Variants in KHDRBS2 observed in about 807,000 individuals in gnomAD.
KHDRBS2 encodes the protein KH RNA binding domain containing, signal transduction associated 2, also known as KH domain-containing, RNA-binding, signal transduction-associated protein 2.
Under a neutral mutation model 44.3 loss-of-function variants are expected in KHDRBS2, and 26 were observed. The observed-to-expected ratio is 0.59, with a 90% CI of 0.43 to 0.81. The LOEUF is 0.81. KHDRBS2 is among the 40% of genes least tolerant of loss of function. KHDRBS2 has a pLI of 0.00. For synonymous variants in KHDRBS2, 194 were observed against 151.1 expected, an observed-to-expected ratio of 1.28 and a Z score of -2.08; for missense variants, 476 against 433.1, an observed-to-expected ratio of 1.10 and a Z score of -0.88.
intron 3 of KHDRBS2, among the ~76,000 whole-genome samples, chr6:61,993,251 T>C (rs1776478345): frequency 6.6e-6 from 1 of 152,004 alleles, no homozygotes; most frequent in Non-Finnish European, 1.5e-5. Flanking sequence ...GAGAGAAACT[T>C]TTCCCTACTA....
intron 6 of KHDRBS2, among the ~76,000 whole-genome samples, chr6:61,754,808 T>C (rs992320992): frequency 6.6e-6 from 1 of 152,174 alleles, no homozygotes; most frequent in African/African-American, 2.4e-5. Flanking sequence ...TAGGGATATC[T>C]TTCTTAAATT....
At chr6:62,106,983 A>G (rs1456181206) in intron 2 of KHDRBS2, among the ~76,000 whole-genome samples, 7 of 152,148 alleles carry the variant, frequency 4.6e-5, no homozygotes, top group Non-Finnish European at 1.0e-4. Flanking sequence ...CACAGCCAAT[A>G]TCATACTGAA....
At chr6:61,544,129 A>T in the KHDRBS2 span, among the ~76,000 whole-genome samples, 1 of 152,110 alleles carries the variant, frequency 6.6e-6, no homozygotes, top group Admixed American at 6.6e-5. Flanking sequence ...TTTGTGCTGC[A>T]AAGTATAAAT....
At chr6:61,630,222 C>CA in the KHDRBS2 span, 16 of 151,990 alleles carry the variant, frequency 1.1e-4, no homozygotes, top group African/African-American at 3.1e-4. Context: ...GAAAGAAATA[C>CA]AAAAAAGTAC....
rs556347847 is a variant in KHDRBS2 at position 62,142,412 on chromosome 6, T to C, written c.219+34773A>G. Among the ~76,000 whole-genome samples, 307 of 152,218 alleles carry C rather than the reference T, an allele frequency of 2.0e-3. 4 individuals are homozygous for C. Among genetic ancestry groups the C allele is most frequent in the Admixed American group, 6.9e-3 (106 of 15,290 alleles). ...CTTCCATCTCTCGGATAAATTTACA[T>C]ATAGATTTCAATGAGAACCTTTAGG... is the stretch of plus-strand genomic sequence containing the variant. On this transcript the variant is annotated intron_variant, in intron 2 of 8. Transcript: ENST00000281156.
intron 6 of KHDRBS2, among the ~76,000 whole-genome samples, chr6:61,760,149 T>A (rs1252621578): frequency 6.6e-6 from 1 of 152,212 alleles, no homozygotes; most frequent in Admixed American, 6.5e-5. Flanking sequence ...TTATACATTG[T>A]GCTAAACATC....
At chr6:62,187,612 A>G (rs1292970598) in intron 1 of KHDRBS2, among the ~76,000 whole-genome samples, 1 of 152,194 alleles carries the variant, frequency 6.6e-6, no homozygotes, top group Non-Finnish European at 1.5e-5. Context: ...CCATGACTCC[A>G]TCACTGCAAT....
chr6:62,177,432 T>C lies in KHDRBS2; in HGVS notation c.92-120A>G, dbSNP rs1027515972. On this transcript the variant is annotated intron_variant, in intron 1 of 8. Transcript: ENST00000281156. ...CTCCTCTTCTCAAATAAGATTTTGA[T>C]GAATATTGATAAAAGGCCTGAAACA... is the stretch of plus-strand genomic sequence containing the variant. 7.8e-6 allele frequency: 6 copies of C among 771,632 alleles called. No homozygotes were observed. In the African/African-American group the frequency reaches 1.1e-4, roughly 14 times the overall value. 47.8% of individuals were successfully genotyped at this position (771,632 alleles called of 1,614,324 possible). A position where few individuals can be genotyped will look rare whatever the true frequency, so the allele number is the denominator to read the frequency against.
At chr6:61,798,693 C>T (rs1012356812) in intron 6 of KHDRBS2, among the ~76,000 whole-genome samples, 1 of 151,862 alleles carries the variant, frequency 6.6e-6, no homozygotes, top group African/African-American at 2.4e-5. Flanking sequence ...GGTAAGGAGG[C>T]ATTTTAGCTT....
intron 4 of KHDRBS2, among the ~76,000 whole-genome samples, chr6:61,906,885 C>T (rs544444029): frequency 2.7e-5 from 4 of 147,852 alleles, no homozygotes; most frequent in African/African-American, 9.9e-5. Flanking sequence ...CTTTGATATA[C>T]TAGTTTGCTT....
chr6:61,618,178 A>G, the KHDRBS2 span, among the ~76,000 whole-genome samples: 3 of 152,208 alleles, frequency 2.0e-5, no homozygotes, highest in African/African-American at 7.2e-5. Context: ...TAATCAACAA[A>G]TAGAGACTCT....
intron 6 of KHDRBS2, among the ~76,000 whole-genome samples, chr6:61,764,848 T>TA (rs1779767748): frequency 6.6e-6 from 1 of 152,194 alleles, no homozygotes; most frequent in African/African-American, 2.4e-5. Context: ...ACTCTGATGA[T>TA]AGTTTCTTTT....
intron 7 of KHDRBS2, among the ~76,000 whole-genome samples, chr6:61,707,443 A>G (rs1478686281): frequency 6.6e-6 from 1 of 151,832 alleles, no homozygotes; most frequent in Non-Finnish European, 1.5e-5. Context: ...AAGTTGTAAC[A>G]TTAGCATCAA....
At chr6:61,838,411 GTTT>G (rs1793060663) in intron 6 of KHDRBS2, among the ~76,000 whole-genome samples, 1 of 151,738 alleles carries the variant, frequency 6.6e-6, no homozygotes, top group South Asian at 2.1e-4. Context: ...ACACGCTAAT[GTTT>G]ATATTATACT....
rs1431618961 is a variant in KHDRBS2 at position 61,955,594 on chromosome 6, ATG to A, written c.483+22470_483+22471del. ...TATACACGTATGTATGTATGTATAC[ATG>A]TGTGTATATACACGTATGTATGTAT... On this transcript the variant is annotated intron_variant, in intron 4 of 8. Transcript: ENST00000281156. Among the ~76,000 whole-genome samples, 4 of 46,598 alleles carry A rather than the reference ATG, an allele frequency of 8.6e-5. 1 individual carries two copies. The highest frequency in any genetic ancestry group is 1.5e-3 in the East Asian group (1 of 658). The allele number at this position is 46,598 out of a possible 152,430, so 30.6% of individuals were successfully genotyped here.
At chr6:62,269,085 C>T (rs1261983750) in intron 1 of KHDRBS2, among the ~76,000 whole-genome samples, 2 of 151,928 alleles carry the variant, frequency 1.3e-5, no homozygotes, top group African/African-American at 4.8e-5. Context: ...CTTGACAACA[C>T]ATACAAAAAT....
At chr6:61,616,247 A>G in the KHDRBS2 span, among the ~76,000 whole-genome samples, 10 of 152,266 alleles carry the variant, frequency 6.6e-5, no homozygotes, top group African/African-American at 2.4e-4. Flanking sequence ...CTTTTAAAAT[A>G]CACTATTAGC....
chr6:61,661,724 A>C, the KHDRBS2 span, among the ~76,000 whole-genome samples: 1 of 151,900 alleles, frequency 6.6e-6, no homozygotes, highest in Non-Finnish European at 1.5e-5. Context: ...AGAACTACAA[A>C]CCACTGCTCA....
chr6:62,176,584 T>C lies in KHDRBS2; in HGVS notation c.219+601A>G, dbSNP rs1009147201. On this transcript the variant is annotated intron_variant, in intron 2 of 8. Transcript: ENST00000281156. ...ATCCCTCTGTTTACCCATTGAAATGTATGAATATAATTGATAAAACCATGC... is the reference window on the plus strand; with the variant it reads ...ATCCCTCTGTTTACCCATTGAAATGCATGAATATAATTGATAAAACCATGC... Among the ~76,000 whole-genome samples the C allele has an allele frequency of 7.9e-4, 119 of 151,264 alleles. 1 individual carries two copies. The highest frequency in any genetic ancestry group is 7.4e-5 in the Non-Finnish European group (5 of 67,364).
Sources: gnomAD v4.1 joint callset for allele counts (sites outside exome capture counted in the v4.1 genomes callset) on GRCh38, gnomAD v4.1.1 for gene constraint, MANE v1.5 for transcripts, NCBI Gene and HGNC (gene_info 2026-07-23, HGNC 2026-07-21) for gene names.